The following ADGRF5 variants were observed in gnomAD, a reference collection of about 807,000 sequenced individuals.
ADGRF5 encodes G-protein coupled receptor 116.
Under a neutral mutation model 132.3 loss-of-function variants are expected in ADGRF5, and 75 were observed. That is an observed-to-expected ratio of 0.57 (90% CI 0.47 to 0.69). The LOEUF (loss-of-function observed/expected upper bound fraction) is 0.69, where lower values mean the gene tolerates loss of function less well. ADGRF5 is among the 30% of genes least tolerant of loss of function. The pLI is 0.00. For synonymous variants in ADGRF5, 629 were observed against 597.6 expected, an observed-to-expected ratio of 1.05 and a Z score of -0.77; for missense variants, 1,516 against 1,630.6, an observed-to-expected ratio of 0.93 and a Z score of 1.21.
intron 1 of ADGRF5, among the ~76,000 whole-genome samples, chr6:46,942,374 C>A (rs1168600303): frequency 6.6e-6 from 1 of 152,148 alleles, no homozygotes; most frequent in African/African-American, 2.4e-5. Flanking sequence ...TGAATGAATC[C>A]CTAACGCAGC....
At chr6:46,861,811 A>G (rs1415657349) in intron 15 of ADGRF5, among the ~76,000 whole-genome samples, 1 of 152,218 alleles carries the variant, frequency 6.6e-6, no homozygotes, top group Non-Finnish European at 1.5e-5. Context: ...TTGAAAATGT[A>G]TGTAGGTATC....
intron 3 of ADGRF5, among the ~76,000 whole-genome samples, chr6:46,890,953 T>C (rs1773590443): frequency 6.6e-6 from 1 of 152,214 alleles, no homozygotes; most frequent in African/African-American, 2.4e-5. Flanking sequence ...AATGTTTATT[T>C]CAGAAAGCTG....
At position 46,859,473 on chromosome 6, in the gene ADGRF5, G is replaced by C. The variant is rs1470019108; in HGVS notation, c.2430C>G (p.Thr810=). 3.7e-6 allele frequency: 6 copies of C among 1,613,530 alleles called. No homozygotes were observed. The highest frequency in any genetic ancestry group is 3.4e-6 in the Non-Finnish European group (4 of 1,179,656). ...TCCATTGCTGTTGTAAAACCTTCCA[G>C]GTGTTCAAGACGGGCTTGCCAAGGA... ...NVILGKPVLN[T]WKVLQQQWTN... Residue 810 remains threonine (T), a synonymous_variant, in exon 17 of 21, where the codon ACC becomes ACG. Transcript: ENST00000283296.
At position 46,859,121 on chromosome 6, in the gene ADGRF5, C is replaced by G. The variant is rs1769414058; in HGVS notation, c.2782G>C (p.Val928Leu). Residue 928 changes from valine (V) to leucine (L), a missense_variant, in exon 17 of 21, where the codon GTC becomes CTC. Coordinates refer to ENST00000283296, the MANE Select transcript of ADGRF5 (RefSeq NM_001098518.2). Reference sequence around the variant, plus strand: ...AATGGCATAGTTGTATTGTGGCTGACAGTGGTTGTCATCACTAAGCTCTCT... The same window carrying G: ...AATGGCATAGTTGTATTGTGGCTGAGAGTGGTTGTCATCACTAAGCTCTCT... Reference protein sequence around the residue: ...FAESLVMTTTVSHNTTMPFRI... With the variant: ...FAESLVMTTTLSHNTTMPFRI... The G allele has an allele frequency of 6.2e-7, 1 of 1,613,946 alleles. No homozygotes were observed. Among genetic ancestry groups the G allele is most frequent in the South Asian group, 1.1e-5 (1 of 91,084 alleles).
intron 1 of ADGRF5, among the ~76,000 whole-genome samples, chr6:46,917,779 C>T (rs1776555196): frequency 6.6e-6 from 1 of 151,968 alleles, no homozygotes; most frequent in Non-Finnish European, 1.5e-5. Context: ...TTGGTTTTCT[C>T]TTAGAAATAC....
chr6:46,870,887 G>T, intron 11 of ADGRF5: 1 of 421,918 alleles, frequency 2.4e-6, no homozygotes, highest in South Asian at 1.7e-5. Context: ...TCTGTAGTGA[G>T]AACAGTTTTG....
intron 1 of ADGRF5, among the ~76,000 whole-genome samples, chr6:46,919,347 T>G (rs1776696046): frequency 6.6e-6 from 1 of 152,252 alleles, no homozygotes; most frequent in Non-Finnish European, 1.5e-5. Context: ...CTTCCTGTTT[T>G]TGTATTCCAT....
intron 20 of ADGRF5, among the ~76,000 whole-genome samples, 156 bp downstream of exon 20, chr6:46,855,818 T>G (rs890951428): frequency 1.3e-5 from 2 of 152,190 alleles, no homozygotes; most frequent in African/African-American, 4.8e-5. Context: ...TTTTGGTGAT[T>G]TGTGAAAATG....
Position 46,879,909 on chromosome 6 carries a change from G to A in ADGRF5, c.945C>T (p.Asn315=), listed in dbSNP as rs777904144. 1 of 1,613,994 alleles carries A rather than the reference G, an allele frequency of 6.2e-7. No individual in the cohort carries two copies. Among genetic ancestry groups the A allele is most frequent in the Non-Finnish European group, 8.5e-7 (1 of 1,179,860 alleles). Residue 315 remains asparagine (N), a synonymous_variant, in exon 9 of 21, where the codon AAC becomes AAT. Coordinates refer to ENST00000283296, the MANE Select transcript of ADGRF5 (RefSeq NM_001098518.2). ...CGGTGTAAATCGAGAATCTGCTGCT[G>A]TTCTGGATTTCCAACTGCTGTTCTT... ...RYEEQQLEIQ[N]SSRFSIYTAL...
chr6:46,944,320 G>A (rs1240421791), intron 1 of ADGRF5, among the ~76,000 whole-genome samples: 4 of 152,232 alleles, frequency 2.6e-5, no homozygotes, highest in African/African-American at 9.6e-5. Context: ...TCAAGAAGAA[G>A]TGGAGCTCAG....
intron 1 of ADGRF5, among the ~76,000 whole-genome samples, chr6:46,932,192 C>A (rs1375234115): frequency 1.3e-5 from 2 of 152,036 alleles, no homozygotes; most frequent in Non-Finnish European, 2.9e-5. Context: ...TAAGAAAGAA[C>A]AAATTGAACA....
In ADGRF5 at chr6:46,858,430, C is replaced by G; in HGVS notation, c.3473G>C (p.Arg1158Thr). ...CCAGTTGAGCCAACAGACATTCTTC[C>G]TCGTATAGACTTCCCGGGGCTGGGT... ...GATQPREVYT[R>T]KNVCWLNWED... The change falls in exon 17 of 21, where the codon AGG becomes ACG. Residue 1158 changes from arginine to threonine, a missense_variant. Physicochemically the swap from Arg to Thr is moderately conservative, Grantham distance 71. This residue lies in a region of ADGRF5 where 571 missense variants were observed against 701.2 expected (regional missense o/e 0.81). Transcript: ENST00000283296. The G allele has an allele frequency of 1.2e-6, 2 of 1,613,914 alleles. No homozygotes were observed. Among genetic ancestry groups the G allele is most frequent in the Non-Finnish European group, 1.7e-6 (2 of 1,179,864 alleles).
intron 14 of ADGRF5, 48 bp from the exon 15 acceptor site, chr6:46,863,144 A>G (rs779771528): frequency 4.2e-5 from 58 of 1,377,808 alleles, no homozygotes; most frequent in Non-Finnish European, 6.0e-5. Flanking sequence ...GGAAGAGACA[A>G]TATAGTAGAA....
At chr6:46,939,656 T>C (rs1253603411) in intron 1 of ADGRF5, among the ~76,000 whole-genome samples, 1 of 152,148 alleles carries the variant, frequency 6.6e-6, no homozygotes, top group Non-Finnish European at 1.5e-5. Flanking sequence ...TCACTAAAGG[T>C]TGAATTTTGT....
At chr6:46,857,153 G>T (rs1269922312) in intron 17 of ADGRF5, among the ~76,000 whole-genome samples, 1 of 152,154 alleles carries the variant, frequency 6.6e-6, no homozygotes, top group Non-Finnish European at 1.5e-5. Context: ...AAAACTGGAG[G>T]TCCTGTTGGT....
intron 1 of ADGRF5, among the ~76,000 whole-genome samples, chr6:46,912,343 G>A (rs559963412): frequency 6.6e-6 from 1 of 152,206 alleles, no homozygotes; most frequent in Non-Finnish European, 1.5e-5. Flanking sequence ...CAACAGGGGA[G>A]TTTGGAAGAA....
At position 46,859,072 on chromosome 6, in the gene ADGRF5, T is replaced by C. The variant is rs377625952; in HGVS notation, c.2831A>G (p.Asn944Ser). The C allele has an allele frequency of 2.9e-5, 46 of 1,614,000 alleles. No individual in the cohort carries two copies. Among genetic ancestry groups the C allele is most frequent in the Non-Finnish European group, 3.9e-5 (46 of 1,179,962 alleles). ...CGTTTCGCCGCCTGAAGGGCTATTGTTCTTAAAAGTCATTGAAATCCTGAA... is the reference window on the plus strand; with the variant it reads ...CGTTTCGCCGCCTGAAGGGCTATTGCTCTTAAAAGTCATTGAAATCCTGAA... Reference protein sequence around the residue: ...MPFRISMTFKNNSPSGGETKC... With the variant: ...MPFRISMTFKSNSPSGGETKC... The change falls in exon 17 of 21, where the codon AAC becomes AGC. Residue 944 changes from asparagine (N) to serine (S), a missense_variant. Transcript: ENST00000283296.
At chr6:46,913,688 G>A (rs939267064) in intron 1 of ADGRF5, among the ~76,000 whole-genome samples, 6 of 152,122 alleles carry the variant, frequency 3.9e-5, no homozygotes, top group Non-Finnish European at 7.4e-5. Flanking sequence ...TGGGGAGTGA[G>A]GACTTGGAGA....
intron 17 of ADGRF5, 114 bp from the exon 18 acceptor site, chr6:46,857,022 G>A: frequency 1.2e-6 from 1 of 812,852 alleles, no homozygotes. Flanking sequence ...TTCCTTCTGA[G>A]TTTATGGAAT....
Sources: allele counts gnomAD v4.1 joint callset (sites outside exome capture counted in the v4.1 genomes callset), GRCh38; gene constraint gnomAD v4.1.1; regional missense constraint gnomAD v4.1.1; transcripts MANE v1.5; gene names NCBI Gene and HGNC (gene_info 2026-07-23, HGNC 2026-07-21).